Variants in RAD52 observed in about 807,000 individuals in gnomAD.
RAD52 encodes the protein DNA repair protein RAD52 homolog.
Under a neutral mutation model 55.5 loss-of-function variants are expected in RAD52, and 47 were observed. The ratio of observed to expected loss-of-function variants is 0.85; its 90% CI spans 0.67 to 1.08. RAD52 has a LOEUF of 1.08. RAD52 is among the 50% of genes least tolerant of loss of function. The pLI, the probability that RAD52 is intolerant of heterozygous loss-of-function variation, is 0.00. For missense variants in RAD52, 468 were observed against 522.8 expected (o/e 0.90, Z 1.02); for synonymous variants, 184 against 198.9 (o/e 0.92, Z 0.63).
Position 973,803 on chromosome 12 carries a change from T to C in RAD52, c.-19+16006A>G, listed in dbSNP as rs1958901851. Reference sequence around the variant, plus strand: ...CCTTCTTTTTTTTTTTTTTTTTTTTTTAAGAAATGTGCTCTCACTGATGCC... The same window carrying C: ...CCTTCTTTTTTTTTTTTTTTTTTTTCTAAGAAATGTGCTCTCACTGATGCC... On this transcript the variant is annotated intron_variant, in intron 1 of 11. Coordinates refer to the RAD52 transcript ENST00000430095. Among the ~76,000 whole-genome samples, 3 of 148,720 alleles carry C rather than the reference T, an allele frequency of 2.0e-5. No homozygotes were observed. In the South Asian group the frequency reaches 6.5e-4, roughly 32 times the overall value.
intron 1 of RAD52, among the ~76,000 whole-genome samples, chr12:970,626 A>G (rs1250109983): frequency 1.3e-5 from 2 of 152,186 alleles, no homozygotes; most frequent in African/African-American, 4.8e-5. Flanking sequence ...TGCAAAGAAC[A>G]GTAAGAAATT....
intron 7 of RAD52, among the ~76,000 whole-genome samples, chr12:922,044 G>A (rs1260870343): frequency 6.6e-6 from 1 of 151,998 alleles, no homozygotes; most frequent in Non-Finnish European, 1.5e-5. Flanking sequence ...GGCAGAGGTT[G>A]CAGTGAACCA....
At chr12:958,183 C>A (rs1565702627) in intron 1 of RAD52, among the ~76,000 whole-genome samples, 2 of 152,150 alleles carry the variant, frequency 1.3e-5, no homozygotes, top group Non-Finnish European at 2.9e-5. Context: ...AGTGAGCATT[C>A]CGGGAGAATG....
chr12:927,131 AGCCCCGC>A lies in RAD52; in HGVS notation c.467+7_467+13del. The A allele has an allele frequency of 6.2e-7, 1 of 1,608,554 alleles. No individual in the cohort carries two copies. Reference sequence around the variant, plus strand: ...CTGAAATGACGCAGGTTAGACTCCCAGCCCCGCGCTCACCTGAGGGCTCGCTTCAGCC... The same window carrying A: ...CTGAAATGACGCAGGTTAGACTCCCAGCTCACCTGAGGGCTCGCTTCAGCC... On this transcript the variant is annotated splice_region_variant and intron_variant, in intron 6 of 11. Coordinates refer to ENST00000358495, the MANE Select transcript of RAD52 (RefSeq NM_134424.4).
Position 929,873 on chromosome 12 carries a change from G to A in RAD52, c.294C>T (p.Leu98=). 6.2e-7 allele frequency: 1 copy of A among 1,613,894 alleles called. No homozygotes were observed. The highest frequency in any genetic ancestry group is 8.5e-7 in the Non-Finnish European group (1 of 1,179,812). Residue 98 remains leucine, a synonymous_variant, in exon 5 of 12, where the codon CTC becomes CTT. Transcript: ENST00000358495. ...ITQQNVDFVD[L]NNGKFYVGVC... ...CTCCCACGTAGAACTTGCCATTGTT[G>A]AGGTCAACAAAATCTAGGAGTGGGA...
At chr12:926,976 C>T (rs369962966) in intron 6 of RAD52, 169 bp downstream of exon 6, 31 of 1,564,234 alleles carry the variant, frequency 2.0e-5, no homozygotes, top group South Asian at 1.8e-4. Context: ...AAAATACTAA[C>T]GAAAGTGGGA....
chr12:962,249 A>G (rs536630294), intron 1 of RAD52, among the ~76,000 whole-genome samples: 3 of 152,310 alleles, frequency 2.0e-5, no homozygotes, highest in South Asian at 4.1e-4. Context: ...TATCTTACCA[A>G]TTCTAATAAG....
chr12:930,942 G>A (rs1957293857), intron 3 of RAD52, among the ~76,000 whole-genome samples: 1 of 151,056 alleles, frequency 6.6e-6, no homozygotes, highest in Non-Finnish European at 1.5e-5. Flanking sequence ...TCGGACTCCA[G>A]CCTAGGTGAC....
intron 1 of RAD52, among the ~76,000 whole-genome samples, chr12:979,780 G>A (rs956397183): frequency 7.2e-5 from 11 of 152,124 alleles, no homozygotes; most frequent in Non-Finnish European, 1.3e-4. Flanking sequence ...GGGTGCGGTG[G>A]CTCCTGCCTG....
At position 929,873 on chromosome 12, in the gene RAD52, G is replaced by C. The variant is rs149464873; in HGVS notation, c.294C>G (p.Leu98=). The C allele has an allele frequency of 4.6e-5, 75 of 1,613,894 alleles. No homozygotes were observed. The highest frequency in any genetic ancestry group is 2.8e-4 in the Admixed American group (17 of 60,018). The change falls in exon 5 of 12, where the codon CTC becomes CTG. Residue 98 remains leucine (L), a synonymous_variant. Transcript: ENST00000358495. ...ITQQNVDFVD[L]NNGKFYVGVC... is the part of the protein sequence containing the mutation. ...CTCCCACGTAGAACTTGCCATTGTT[G>C]AGGTCAACAAAATCTAGGAGTGGGA...
intron 1 of RAD52, among the ~76,000 whole-genome samples, chr12:940,569 C>T (rs959392155): frequency 3.3e-5 from 5 of 151,840 alleles, no homozygotes; most frequent in Non-Finnish European, 5.9e-5. Context: ...GCCAAGATTG[C>T]GCCACTGCAC....
At chr12:944,061 C>T (rs1055861131) in intron 1 of RAD52, among the ~76,000 whole-genome samples, 4 of 151,866 alleles carry the variant, frequency 2.6e-5, no homozygotes, top group African/African-American at 9.7e-5. Context: ...ACAAAAAATA[C>T]AAAAATTAGC....
At chr12:978,027 C>G (rs1179214946) in intron 1 of RAD52, among the ~76,000 whole-genome samples, 1 of 152,160 alleles carries the variant, frequency 6.6e-6, no homozygotes, top group African/African-American at 2.4e-5. Context: ...GACATTGACA[C>G]TGATTGATAT....
At chr12:933,306 A>C (rs1957438581) in intron 1 of RAD52, among the ~76,000 whole-genome samples, 2 of 152,034 alleles carry the variant, frequency 1.3e-5, no homozygotes, top group South Asian at 4.1e-4. Context: ...AAAATCCAAA[A>C]AAATTAGCTG....
chr12:958,937 G>A (rs998932947), intron 1 of RAD52, among the ~76,000 whole-genome samples: 10 of 152,234 alleles, frequency 6.6e-5, no homozygotes, highest in Admixed American at 2.6e-4. Flanking sequence ...ATTCCCCTGC[G>A]ATCCTCAGGG....
chr12:983,802 G>C (rs1959051593), intron 1 of RAD52, among the ~76,000 whole-genome samples: 1 of 152,072 alleles, frequency 6.6e-6, no homozygotes, highest in Admixed American at 6.5e-5. Context: ...AAGGACACCA[G>C]TCCTACTGGG....
At position 913,312 on chromosome 12, in the gene RAD52, G is replaced by A. The variant is rs956991033; in HGVS notation, c.*79C>T. The A allele has an allele frequency of 1.0e-5, 11 of 1,053,048 alleles. No homozygotes were observed. Among genetic ancestry groups the A allele is most frequent in the Middle Eastern group, 2.1e-4 (1 of 4,802 alleles). 65.2% of individuals were successfully genotyped at this position (1,053,048 alleles called of 1,614,324 possible). ...GCAATGACGTTCATTCTCCAGCAGC[G>A]ATGAACAATTTCATGACCAAAAAGT... On this transcript the variant is annotated 3_prime_UTR_variant, in exon 12 of 12. Transcript: ENST00000358495.
intron 1 of RAD52, among the ~76,000 whole-genome samples, chr12:985,208 A>G (rs1959071531): frequency 6.6e-6 from 1 of 152,200 alleles, no homozygotes; most frequent in Admixed American, 6.5e-5. Flanking sequence ...TGGCACAATC[A>G]TGGTTCACCA....
At chr12:934,958 C>T (rs920511865) in intron 1 of RAD52, among the ~76,000 whole-genome samples, 1 of 151,718 alleles carries the variant, frequency 6.6e-6, no homozygotes, top group East Asian at 1.9e-4. Context: ...ACTAAAAATA[C>T]AAAAAAATTA....
Sources: allele counts gnomAD v4.1 joint callset (sites outside exome capture counted in the v4.1 genomes callset), GRCh38; gene constraint gnomAD v4.1.1; transcripts MANE v1.5; gene names NCBI Gene and HGNC (gene_info 2026-07-23, HGNC 2026-07-21).